The following RAB11FIP5 variants were observed in gnomAD, a reference collection of about 807,000 sequenced individuals.
The protein encoded by RAB11FIP5 is rab11 family-interacting protein 5.
A neutral mutation model predicts 85.1 loss-of-function variants in RAB11FIP5; 48 were observed. That is an observed-to-expected ratio of 0.56 (90% CI 0.45 to 0.72). The LOEUF (loss-of-function observed/expected upper bound fraction) is 0.72. RAB11FIP5 is among the 30% of genes least tolerant of loss of function. The probability of loss-of-function intolerance (pLI) is 0.00; values close to 1 mark genes in which losing one functional copy is unlikely to be tolerated. For synonymous variants in RAB11FIP5, 729 were observed against 727.3 expected, an observed-to-expected ratio of 1.00 and a Z score of -0.04; for missense variants, 1,491 against 1,687.0, an observed-to-expected ratio of 0.88 and a Z score of 2.04.
chr2:73,085,755 T>A (rs1450414575), intron 3 of RAB11FIP5, among the ~76,000 whole-genome samples: 1 of 151,978 alleles, frequency 6.6e-6, no homozygotes, highest in Non-Finnish European at 1.5e-5. Context: ...GATACCATAC[T>A]CAACACGTTC....
At position 73,076,046 on chromosome 2, in the gene RAB11FIP5, G is replaced by C; in HGVS notation, c.3718C>G (p.Pro1240Ala). 1 of 1,614,130 alleles carries C rather than the reference G, an allele frequency of 6.2e-7. No individual in the cohort carries two copies. Among genetic ancestry groups the C allele is most frequent in the South Asian group, 1.1e-5 (1 of 91,086 alleles). ...CCAGCCTGGGGGGCCTGGGTCACAG[G>C]CTGAATGCTCCCAGATGTGACTGTT... is the stretch of plus-strand genomic sequence containing the variant. The part of the protein sequence containing the change: ...LKTVTSGSIQ[P>A]VTQAPQAGQM... Residue 1240 changes from proline (P) to alanine (A), a missense_variant, in exon 5 of 6, where the codon CCT (proline) becomes GCT (alanine). Transcript: ENST00000486777.
At position 73,075,464 on chromosome 2, in the gene RAB11FIP5, G is replaced by T; in HGVS notation, c.*57C>A. ...CTGCAGATGAGAGAGTTCAGGAGGA[G>T]AGAGGGCAGGCAGCAATAGGTCCAT... On this transcript the variant is annotated 3_prime_UTR_variant, in exon 6 of 6. Coordinates refer to ENST00000486777, the MANE Select transcript of RAB11FIP5 (RefSeq NM_001371272.1). The surrounding 1 kb of genome is among the most constrained non-coding windows in gnomAD (Gnocchi z 4.6). 6.6e-7 allele frequency: 1 copy of T among 1,520,468 alleles called. No homozygotes were observed. The highest frequency in any genetic ancestry group is 9.1e-7 in the Non-Finnish European group (1 of 1,094,492). The allele number at this position is 1,520,468 out of a possible 1,614,324, so 94.2% of individuals were successfully genotyped here.
At chr2:73,092,812 C>A (rs1315400313) in intron 1 of RAB11FIP5, among the ~76,000 whole-genome samples, 2 of 152,208 alleles carry the variant, frequency 1.3e-5, no homozygotes, top group Non-Finnish European at 2.9e-5. Flanking sequence ...CCTCTGGACC[C>A]CAGCTGCCAT....
intron 1 of RAB11FIP5, among the ~76,000 whole-genome samples, chr2:73,104,484 C>T (rs566008974): frequency 3.5e-4 from 53 of 152,310 alleles, no homozygotes; most frequent in Admixed American, 9.2e-4. Flanking sequence ...AGGAGAATCA[C>T]TTGAACCTGG....
chr2:73,088,933 C>T lies in RAB11FIP5; in HGVS notation c.814G>A (p.Ala272Thr), dbSNP rs138408913. 203 of 1,603,170 alleles carry T rather than the reference C, an allele frequency of 1.3e-4. No individual in the cohort carries two copies. Among genetic ancestry groups the T allele is most frequent in the African/African-American group, 5.9e-4 (44 of 74,882 alleles). ...SGSLAYQGPG[A>T]ELLTRSPSRS... ...CTTGGTGAGCGGGTGAGGAGTTCGG[C>T]GCCAGGTCCCTGGTAGGCCAAGCTC... Residue 272 changes from alanine (A) to threonine (T), a missense_variant, in exon 2 of 6, where the codon GCC becomes ACC. Ala to Thr is a moderately conservative substitution (Grantham distance 58). Coordinates refer to ENST00000486777, the MANE Select transcript of RAB11FIP5 (RefSeq NM_001371272.1).
chr2:73,074,924 T>A lies in RAB11FIP5; in HGVS notation c.*597A>T, dbSNP rs1683823478. 1 of 332,606 alleles carries A rather than the reference T, an allele frequency of 3.0e-6. No homozygotes were observed. Among genetic ancestry groups the A allele is most frequent in the Non-Finnish European group, 5.9e-6 (1 of 168,766 alleles). 20.6% of individuals were successfully genotyped at this position (332,606 alleles called of 1,614,324 possible). A position where few individuals can be genotyped will look rare whatever the true frequency, so the allele number is the denominator to read the frequency against. ...ACATGGCACTCGCCCCACAAACAGC[T>A]CCAGACTGAAGCAGACTCAGGACAT... On this transcript the variant is annotated 3_prime_UTR_variant, in exon 6 of 6. Coordinates refer to ENST00000486777, the MANE Select transcript of RAB11FIP5 (RefSeq NM_001371272.1).
intron 1 of RAB11FIP5, among the ~76,000 whole-genome samples, chr2:73,099,924 C>T (rs1341426922): frequency 1.3e-5 from 2 of 152,224 alleles, no homozygotes; most frequent in African/African-American, 4.8e-5. Flanking sequence ...GACAAGGAGC[C>T]TGCAAAGCTG....
chr2:73,077,563 TC>T (rs1333405873), intron 4 of RAB11FIP5, among the ~76,000 whole-genome samples: 1 of 152,226 alleles, frequency 6.6e-6, no homozygotes, highest in Non-Finnish European at 1.5e-5. Context: ...CACAATCTGG[TC>T]CCTGCCCTTT....
intron 3 of RAB11FIP5, among the ~76,000 whole-genome samples, chr2:73,085,375 A>G (rs534353339): frequency 2.4e-4 from 37 of 152,282 alleles, no homozygotes; most frequent in African/African-American, 8.4e-4. Flanking sequence ...ATAGAGTCCT[A>G]TGGTTAGTGT....
intron 1 of RAB11FIP5, among the ~76,000 whole-genome samples, chr2:73,111,495 A>G (rs897206090): frequency 3.3e-5 from 5 of 152,194 alleles, no homozygotes; most frequent in African/African-American, 1.2e-4. Flanking sequence ...CCCAAGCCCA[A>G]AACAGGAAAT....
chr2:73,089,953 G>T lies in RAB11FIP5; in HGVS notation c.432-638C>A, dbSNP rs148522986. The stretch of plus-strand genomic sequence containing the variant: ...ACTGACTCACCCCAAGCCCTGTCAG[G>T]AATACCTCTACAAGATGCAGGAACA... On this transcript the variant is annotated intron_variant, in intron 1 of 5. Transcript: ENST00000486777. The surrounding 1 kb of genome is among the most constrained non-coding windows in gnomAD (Gnocchi z 4.6). Among the ~76,000 whole-genome samples the T allele has an allele frequency of 6.6e-6, 1 of 151,722 alleles. No homozygotes were observed. The highest frequency in any genetic ancestry group is 1.5e-5 in the Non-Finnish European group (1 of 67,940).
At position 73,112,676 on chromosome 2, in the gene RAB11FIP5, C is replaced by A; in HGVS notation, c.102G>T (p.Lys34Asn). ...TVLRARGLRG[K>N]SSGAGSTSDA... ...CGCTGGTGCTGCCCGCTCCCGAGCT[C>A]TTGCCCCGCAGCCCGCGGGCCCGCA... The change falls in exon 1 of 6, where the codon AAG (lysine) becomes AAT (asparagine). Residue 34 changes from lysine (K) to asparagine (N), a missense_variant. This residue lies in a region of RAB11FIP5 where 1,211 missense variants were observed against 1,338.0 expected (regional missense o/e 0.91). Transcript: ENST00000486777. The A allele has an allele frequency of 6.3e-7, 1 of 1,591,242 alleles. No individual in the cohort carries two copies.
Position 73,088,190 on chromosome 2 carries a change from C to G in RAB11FIP5, c.1428G>C (p.Glu476Asp), listed in dbSNP as rs1048086493. The G allele has an allele frequency of 1.9e-5, 30 of 1,613,924 alleles. No homozygotes were observed. The highest frequency in any genetic ancestry group is 2.7e-5 in the African/African-American group (2 of 74,942). Residue 476 changes from glutamate (E) to aspartate (D), a missense_variant, in exon 3 of 6, where the codon GAG becomes GAC. Physicochemically the swap from Glu to Asp is conservative, Grantham distance 45. Coordinates refer to ENST00000486777, the MANE Select transcript of RAB11FIP5 (RefSeq NM_001371272.1). ...HHHHQGLSRS[E>D]LGRRSSLGEK... ...CCCCCAGAGAGCTTCGGCGACCCAA[C>G]TCGCTCCGACTTAGGCCTTGGTGGT...
intron 1 of RAB11FIP5, among the ~76,000 whole-genome samples, chr2:73,094,230 C>T (rs911702520): frequency 6.6e-6 from 1 of 152,136 alleles, no homozygotes; most frequent in African/African-American, 2.4e-5. Flanking sequence ...TTCCTTCCTC[C>T]CTACCTGATC....
rs1683950288 is a variant in RAB11FIP5 at position 73,080,376 on chromosome 2, C to T, written c.2856G>A (p.Glu952=). The part of the protein sequence containing the change: ...LVVGPPETKE[E]GEKRESEESD... ...ACTCCTCCGACTCACGCTTCTCTCC[C>T]TCCTCCTTGGTCTCCGGGGGACCGA... Residue 952 remains glutamate, a synonymous_variant, in exon 4 of 6, where the codon GAG becomes GAA. Coordinates refer to ENST00000486777, the MANE Select transcript of RAB11FIP5 (RefSeq NM_001371272.1). 1.6e-6 allele frequency: 2 copies of T among 1,233,096 alleles called. No individual in the cohort carries two copies. Among genetic ancestry groups the T allele is most frequent in the Non-Finnish European group, 2.0e-6 (2 of 988,444 alleles). 76.4% of individuals were successfully genotyped at this position (1,233,096 alleles called of 1,614,324 possible).
rs1683969496 is a variant in RAB11FIP5, at chr2:73,081,116, CT to C, written c.2115del (p.Gly706GlufsTer41). 7.3e-6 allele frequency: 9 copies of C among 1,234,222 alleles called. No individual in the cohort carries two copies. In the African/African-American group the frequency reaches 1.4e-4, roughly 19 times the overall value. The allele number at this position is 1,234,222 out of a possible 1,614,324, so 76.5% of individuals were successfully genotyped here. On this transcript the variant is annotated frameshift_variant, in exon 4 of 6. Coordinates refer to ENST00000486777, the MANE Select transcript of RAB11FIP5 (RefSeq NM_001371272.1). LOFTEE classifies it high-confidence loss of function. This position sits in a 1 kb window ranked among gnomAD's most constrained non-coding sequence, Gnocchi z 4.2. Reference protein sequence around the residue: ...EPQGEPGGGGGGGGGGGGRGG... With the variant: ...EPQGEPGGGGXGGGGGGGRGG... ...CCTCTTCCTCCTCCTCCTCCTCCTCCTCCTCCTCCTCCCCCAGGCTCTCCCT... is the reference window on the plus strand; with the variant it reads ...CCTCTTCCTCCTCCTCCTCCTCCTCCCCTCCTCCTCCCCCAGGCTCTCCCT...
chr2:73,111,941 C>T (rs1379287600), intron 1 of RAB11FIP5, among the ~76,000 whole-genome samples: 1 of 152,210 alleles, frequency 6.6e-6, no homozygotes, highest in African/African-American at 2.4e-5. Flanking sequence ...CCTCTCCACT[C>T]CCCTGCCGGA....
Position 73,088,559 on chromosome 2 carries a change from C to A in RAB11FIP5, c.1059G>T (p.Arg353=). 1.2e-6 allele frequency: 2 copies of A among 1,613,884 alleles called. No individual in the cohort carries two copies. The highest frequency in any genetic ancestry group is 1.1e-5 in the South Asian group (1 of 91,088). Residue 353 remains arginine, a synonymous_variant, in exon 3 of 6, where the codon CGG becomes CGT. Coordinates refer to ENST00000486777, the MANE Select transcript of RAB11FIP5 (RefSeq NM_001371272.1). The part of the protein sequence containing the change: ...IYNEEPQGPV[R]HRSSISGSLP... ...GCGAGCCCGAGATGGAGCTGCGGTGCCGCACAGGGCCCTGGGGCTCCTCAT... is the reference window on the plus strand; with the variant it reads ...GCGAGCCCGAGATGGAGCTGCGGTGACGCACAGGGCCCTGGGGCTCCTCAT...
chr2:73,080,785 G>A lies in RAB11FIP5; in HGVS notation c.2447C>T (p.Ser816Phe). The part of the protein sequence containing the change: ...SAAEGQDDES[S>F]RGENQLCPDV... ...AGGGCAAAGCTGATTTTCGCCTCGG[G>A]AGGACTCATCGTCCTGGCCCTCAGC... Residue 816 changes from serine (S) to phenylalanine (F), a missense_variant, in exon 4 of 6, where the codon TCC becomes TTC. Transcript: ENST00000486777. The A allele has an allele frequency of 8.1e-7, 1 of 1,232,444 alleles. No homozygotes were observed. Among genetic ancestry groups the A allele is most frequent in the Non-Finnish European group, 1.0e-6 (1 of 988,110 alleles). 76.3% of individuals were successfully genotyped at this position (1,232,444 alleles called of 1,614,324 possible).
Sources: allele counts gnomAD v4.1 joint callset (sites outside exome capture counted in the v4.1 genomes callset), GRCh38; gene constraint gnomAD v4.1.1; regional missense constraint gnomAD v4.1.1; non-coding constraint Gnocchi (gnomAD v3.1); transcripts MANE v1.5; gene names NCBI Gene and HGNC (gene_info 2026-07-23, HGNC 2026-07-21).